Variants in ADAMTSL1 observed in about 807,000 individuals in gnomAD.
The protein encoded by ADAMTSL1 is ADAMTS like 1, also known as ADAMTS-like protein 1.
Under a neutral mutation model 201.8 loss-of-function variants are expected in ADAMTSL1, and 126 were observed. The observed-to-expected ratio is 0.62, with a 90% confidence interval of 0.54 to 0.72. The LOEUF (loss-of-function observed/expected upper bound fraction) is 0.72. Among genes scored for constraint, ADAMTSL1 ranks in the 30% least tolerant of loss-of-function variants. The probability of loss-of-function intolerance (pLI) is 0.00; values close to 1 mark genes in which losing one functional copy is unlikely to be tolerated. For missense variants in ADAMTSL1, 2,679 were observed against 2,277.8 expected (o/e 1.18, Z -3.59); for synonymous variants, 1,121 against 903.4 (o/e 1.24, Z -4.32).
chr9:17,920,015 T>C (rs1259955118), intron 1 of ADAMTSL1, among the ~76,000 whole-genome samples: 2 of 152,190 alleles, frequency 1.3e-5, no homozygotes, highest in Non-Finnish European at 2.9e-5. Context: ...ATAGCCATCC[T>C]GGTGAATATG....
chr9:18,626,874 T>A (rs60211165), intron 5 of ADAMTSL1, among the ~76,000 whole-genome samples: 42 of 113,014 alleles, frequency 3.7e-4, no homozygotes, highest in African/African-American at 1.4e-3. Flanking sequence ...TTTCTGTCTT[T>A]CTTCCTTCCT....
At chr9:18,726,873 C>A (rs898850545) in intron 15 of ADAMTSL1, among the ~76,000 whole-genome samples, 1 of 152,150 alleles carries the variant, frequency 6.6e-6, no homozygotes, top group Non-Finnish European at 1.5e-5. Flanking sequence ...ATTCCAGGAA[C>A]AGTACTTGGT....
chr9:18,595,686 C>G (rs1824217275), intron 4 of ADAMTSL1, among the ~76,000 whole-genome samples: 1 of 152,208 alleles, frequency 6.6e-6, no homozygotes, highest in African/African-American at 2.4e-5. Context: ...GGTCCACTGC[C>G]AAGGCCAATG....
intron 1 of ADAMTSL1, among the ~76,000 whole-genome samples, chr9:18,144,492 C>A (rs1192324358): frequency 6.6e-6 from 1 of 152,094 alleles, no homozygotes; most frequent in Non-Finnish European, 1.5e-5. Flanking sequence ...AGGCACGAGC[C>A]ACCACACCTG....
intron 4 of ADAMTSL1, among the ~76,000 whole-genome samples, chr9:18,618,317 T>C (rs1038993430): frequency 1.3e-5 from 2 of 152,196 alleles, no homozygotes; most frequent in African/African-American, 4.8e-5. Context: ...CGCCTATCTG[T>C]AAACTACATT....
intron 1 of ADAMTSL1, among the ~76,000 whole-genome samples, chr9:17,991,797 C>T (rs938946200): frequency 3.9e-5 from 6 of 152,142 alleles, no homozygotes; most frequent in African/African-American, 7.2e-5. Context: ...GTAACTTCCT[C>T]GATTATGCTA....
chr9:18,037,227 A>C (rs1821238020), intron 1 of ADAMTSL1, among the ~76,000 whole-genome samples: 2 of 152,194 alleles, frequency 1.3e-5, no homozygotes, highest in African/African-American at 4.8e-5. Flanking sequence ...ATAAGAATAC[A>C]AGGTGGGACT....
intron 17 of ADAMTSL1, among the ~76,000 whole-genome samples, chr9:18,772,900 T>C (rs2133730328): frequency 6.6e-6 from 1 of 152,294 alleles, no homozygotes; most frequent in East Asian, 1.9e-4. Flanking sequence ...TACTAGCTTC[T>C]GAGCTATCTG....
At chr9:18,196,246 T>A (rs921875815) in intron 2 of ADAMTSL1, among the ~76,000 whole-genome samples, 1 of 152,106 alleles carries the variant, frequency 6.6e-6, no homozygotes, top group African/African-American at 2.4e-5. Flanking sequence ...GGGAATTAGA[T>A]GAGCTACTGA....
chr9:18,497,958 A>G (rs970947519), intron 1 of ADAMTSL1, among the ~76,000 whole-genome samples: 1 of 152,244 alleles, frequency 6.6e-6, no homozygotes, highest in African/African-American at 2.4e-5. Flanking sequence ...CTAAAAAGTG[A>G]TGAAGCTGTT....
chr9:18,177,600 C>T (rs10756945), intron 2 of ADAMTSL1, among the ~76,000 whole-genome samples: 29,158 of 152,116 alleles, frequency 0.19, 3,000 homozygotes, highest in East Asian at 0.32. Flanking sequence ...GCCTCCCGTT[C>T]GCAAGGATAC....
chr9:18,031,884 A>G (rs1404466086), intron 1 of ADAMTSL1, among the ~76,000 whole-genome samples: 1 of 152,176 alleles, frequency 6.6e-6, no homozygotes, highest in East Asian at 1.9e-4. Flanking sequence ...GTCTGATGAT[A>G]CAGGGGTCAA....
chr9:18,606,818 G>T (rs1432526082), intron 4 of ADAMTSL1, among the ~76,000 whole-genome samples: 1 of 152,150 alleles, frequency 6.6e-6, no homozygotes, highest in Non-Finnish European at 1.5e-5. Flanking sequence ...TGGTAAGTGA[G>T]AACCATCCGC....
At chr9:18,282,314 C>T (rs570050505) in intron 2 of ADAMTSL1, among the ~76,000 whole-genome samples, 3 of 152,254 alleles carry the variant, frequency 2.0e-5, no homozygotes, top group Non-Finnish European at 2.9e-5. Flanking sequence ...AGTCAACTAT[C>T]GATAGACAAT....
At chr9:18,212,946 T>G (rs996244001) in intron 2 of ADAMTSL1, among the ~76,000 whole-genome samples, 1 of 152,212 alleles carries the variant, frequency 6.6e-6, no homozygotes, top group African/African-American at 2.4e-5. Context: ...GAATTTGCAG[T>G]TCATTGTCCT....
At chr9:18,411,746 T>A (rs1563943060) in intron 2 of ADAMTSL1, among the ~76,000 whole-genome samples, 3 of 152,192 alleles carry the variant, frequency 2.0e-5, no homozygotes. Flanking sequence ...TTAGACATCA[T>A]GTCATTTCAC....
chr9:18,227,851 A>G (rs965839766), intron 2 of ADAMTSL1, among the ~76,000 whole-genome samples: 1 of 152,200 alleles, frequency 6.6e-6, no homozygotes, highest in Non-Finnish European at 1.5e-5. Flanking sequence ...ATTGCCCCTT[A>G]AGGATACTGT....
intron 23 of ADAMTSL1, among the ~76,000 whole-genome samples, chr9:18,853,521 T>A (rs2131379455): frequency 6.6e-6 from 1 of 152,338 alleles, no homozygotes; most frequent in South Asian, 2.1e-4. Context: ...TCATCAGAAA[T>A]GCTGGTAATC....
chr9:18,530,363 A>G (rs1819367965), intron 2 of ADAMTSL1, among the ~76,000 whole-genome samples: 1 of 152,168 alleles, frequency 6.6e-6, no homozygotes. Flanking sequence ...AAAGGATGAA[A>G]AACATATACT....
Sources: allele counts gnomAD v4.1 joint callset (sites outside exome capture counted in the v4.1 genomes callset), GRCh38; gene constraint gnomAD v4.1.1; transcripts MANE v1.5; gene names NCBI Gene and HGNC (gene_info 2026-07-23, HGNC 2026-07-21).